LRP1B: variants seen among roughly 807,000 people sequenced by gnomAD.
LRP1B encodes the protein low-density lipoprotein receptor-related protein 1B.
A neutral mutation model predicts 556.6 loss-of-function variants in LRP1B; 217 were observed. That is an observed-to-expected ratio of 0.39 (90% CI 0.35 to 0.44). The LOEUF is 0.44. Among genes scored for constraint, LRP1B ranks in the 20% least tolerant of loss-of-function variants. LRP1B has a pLI of 1.00. For missense variants in LRP1B, 5,053 were observed against 5,620.8 expected (o/e 0.90, Z 3.23); for synonymous variants, 2,047 against 1,865.8 (o/e 1.10, Z -2.50).
intron 1 of LRP1B, among the ~76,000 whole-genome samples, chr2:141,855,587 T>C (rs1698024378): frequency 6.6e-6 from 1 of 152,154 alleles, no homozygotes. Context: ...TGATGTGAAC[T>C]GAAGCAACAT....
At position 140,994,034 on chromosome 2, in the gene LRP1B, CA is replaced by C; in HGVS notation, c.2604del (p.Asp868GlufsTer4). On this transcript the variant is annotated frameshift_variant, in exon 16 of 91. Transcript: ENST00000389484. LOFTEE classifies it high-confidence loss of function. ...IQARWKCDGD[D>X]DCLDGSDEDS... ...TCCTCATCGCTTCCGTCTAGGCAGTCATCGTCGCCATCACATTTCCACCGAG... is the reference window on the plus strand; with the variant it reads ...TCCTCATCGCTTCCGTCTAGGCAGTCTCGTCGCCATCACATTTCCACCGAG... The C allele has an allele frequency of 6.2e-7, 1 of 1,612,700 alleles. No individual in the cohort carries two copies. Among genetic ancestry groups the C allele is most frequent in the Non-Finnish European group, 8.5e-7 (1 of 1,179,140 alleles).
rs551075910 is a variant in LRP1B at position 140,407,094 on chromosome 2, G to T, written c.10415-21085C>A. On this transcript the variant is annotated intron_variant, in intron 66 of 90. Coordinates refer to ENST00000389484, the MANE Select transcript of LRP1B (RefSeq NM_018557.3). The stretch of plus-strand genomic sequence containing the variant: ...TATACAGAAACATAAACTGGGAAAA[G>T]TACATCCCATTCAATAAATGGTGCT... Among the ~76,000 whole-genome samples the T allele has an allele frequency of 4.7e-3, 708 of 152,102 alleles. 5 individuals are homozygous for T. Among genetic ancestry groups the T allele is most frequent in the African/African-American group, 0.016 (649 of 41,542 alleles).
Position 141,143,585 on chromosome 2 carries a change from C to T in LRP1B, c.1013+44836G>A, listed in dbSNP as rs566715423. ...GATAAATTCCTAGTATCTTGAGCAG[C>T]GCCTGGAACATCCTATTTTTCAAAC... On this transcript the variant is annotated intron_variant, in intron 7 of 90. Coordinates refer to ENST00000389484, the MANE Select transcript of LRP1B (RefSeq NM_018557.3). Among the ~76,000 whole-genome samples the T allele has an allele frequency of 2.4e-4, 37 of 152,268 alleles. No individual in the cohort carries two copies. In the South Asian group the frequency reaches 7.0e-3, roughly 29 times the overall value.
intron 3 of LRP1B, among the ~76,000 whole-genome samples, chr2:141,378,506 C>T (rs1198165293): frequency 1.3e-5 from 2 of 152,070 alleles, no homozygotes; most frequent in East Asian, 3.9e-4. Context: ...GAGAAACCAT[C>T]TCTAAACAAG....
chr2:140,700,567 C>T lies in LRP1B; in HGVS notation c.6482G>A (p.Arg2161Gln), dbSNP rs200035883. 42 of 1,613,472 alleles carry T rather than the reference C, an allele frequency of 2.6e-5. No homozygotes were observed. Among genetic ancestry groups the T allele is most frequent in the Non-Finnish European group, 3.1e-5 (36 of 1,179,638 alleles). ...AGCACAAGTTCTCCGGGAATTTCCT[C>T]GATAAAGACAGAGTTGCTTACAGCC... is the stretch of plus-strand genomic sequence containing the variant. Reference protein sequence around the residue: ...NGGCKQLCLYRGNSRRTCACA... With the variant: ...NGGCKQLCLYQGNSRRTCACA... Residue 2161 changes from arginine to glutamine, a missense_variant, in exon 41 of 91, where the codon CGA becomes CAA. Transcript: ENST00000389484.
At chr2:141,968,768 T>C (rs1701637100) in intron 1 of LRP1B, among the ~76,000 whole-genome samples, 1 of 151,754 alleles carries the variant, frequency 6.6e-6, no homozygotes, top group Non-Finnish European at 1.5e-5. Context: ...TGCTCTGGTT[T>C]GGTGGTGTGC....
chr2:141,068,653 C>T (rs1456718424), intron 7 of LRP1B, among the ~76,000 whole-genome samples: 1 of 151,680 alleles, frequency 6.6e-6, no homozygotes, highest in East Asian at 1.9e-4. Flanking sequence ...CCAGCATTCA[C>T]CCATGCAAGT....
intron 5 of LRP1B, among the ~76,000 whole-genome samples, chr2:141,231,861 C>CA (rs1683485345): frequency 6.6e-6 from 1 of 151,900 alleles, no homozygotes; most frequent in Non-Finnish European, 1.5e-5. Flanking sequence ...AAAAATAACC[C>CA]AAAAAAGCCT....
At chr2:141,857,633 G>A (rs570065464) in intron 1 of LRP1B, among the ~76,000 whole-genome samples, 6 of 152,028 alleles carry the variant, frequency 3.9e-5, no homozygotes, top group African/African-American at 1.4e-4. Context: ...CACAGCACCC[G>A]ACCCCTCTCC....
intron 2 of LRP1B, among the ~76,000 whole-genome samples, chr2:141,791,104 T>C (rs866313780): frequency 6.6e-6 from 1 of 151,976 alleles, no homozygotes; most frequent in African/African-American, 2.4e-5. Context: ...ATCAAGAATA[T>C]AATTTTTACT....
chr2:141,622,617 A>G (rs2105337460), intron 2 of LRP1B, among the ~76,000 whole-genome samples: 1 of 152,366 alleles, frequency 6.6e-6, no homozygotes, highest in Admixed American at 6.5e-5. Flanking sequence ...GTAAGAATCC[A>G]TTTTTATTGA....
At chr2:142,031,353 T>C (rs1703700313) in intron 1 of LRP1B, among the ~76,000 whole-genome samples, 2 of 134,926 alleles carry the variant, frequency 1.5e-5, no homozygotes, top group East Asian at 3.2e-4. Flanking sequence ...TTTTTTATTA[T>C]ACTCTAAGTT....
chr2:140,302,049 ATC>A (rs1683854839), intron 83 of LRP1B, among the ~76,000 whole-genome samples: 1 of 152,092 alleles, frequency 6.6e-6, no homozygotes, highest in South Asian at 2.1e-4. Context: ...GTTGGCTAAT[ATC>A]TCTAGCTGGA....
intron 1 of LRP1B, among the ~76,000 whole-genome samples, chr2:141,864,810 A>G (rs1698353983): frequency 6.6e-6 from 1 of 152,130 alleles, no homozygotes; most frequent in South Asian, 2.1e-4. Flanking sequence ...TGAATCCAGG[A>G]GGCGGAGGCT....
chr2:141,480,686 G>A (rs1682886677), intron 2 of LRP1B, 153 bp from the exon 3 acceptor site: 1 of 766,478 alleles, frequency 1.3e-6, no homozygotes, highest in South Asian at 1.5e-5. Context: ...ATTGAAGTTA[G>A]CCTATGTGAT....
intron 2 of LRP1B, among the ~76,000 whole-genome samples, chr2:141,534,016 C>T (rs975300083): frequency 4.1e-4 from 62 of 150,400 alleles, no homozygotes; most frequent in Non-Finnish European, 7.0e-4. Flanking sequence ...CTCTCTCTCT[C>T]ATACACACAC....
chr2:140,358,979 C>G lies in LRP1B; in HGVS notation c.11132-33G>C, dbSNP rs781521114. The G allele has an allele frequency of 9.4e-6, 15 of 1,595,038 alleles. No homozygotes were observed. In the African/African-American group the frequency reaches 1.9e-4, roughly 20 times the overall value. ...AAAAGAAGAAAAAACAAAGAAGCTC[C>G]TTCGAGTACATTGCTTTATGAAGAA... On this transcript the variant is annotated intron_variant, in intron 72 of 90. Coordinates refer to ENST00000389484, the MANE Select transcript of LRP1B (RefSeq NM_018557.3).
intron 59 of LRP1B, among the ~76,000 whole-genome samples, chr2:140,478,912 A>G (rs1169315376): frequency 6.6e-6 from 1 of 152,102 alleles, no homozygotes; most frequent in African/African-American, 2.4e-5. Context: ...ATGCATATTA[A>G]TATATTTTTA....
rs1293833034 is a variant in LRP1B at position 142,115,837 on chromosome 2, ATG to A, written c.82+14809_82+14810del. 7.2e-3 allele frequency among the ~76,000 whole-genome samples: 46 copies of A among 6,422 alleles called. 20 individuals are homozygous for A. Among genetic ancestry groups the A allele is most frequent in the African/African-American group, 8.1e-3 (23 of 2,834 alleles). 4.2% of individuals were successfully genotyped at this position (6,422 alleles called of 152,430 possible). ...TATATATGTAATATATATCATATAT[ATG>A]TAATATATATATATACATATATATA... On this transcript the variant is annotated intron_variant, in intron 1 of 90. Transcript: ENST00000389484.
Sources: gnomAD v4.1 joint callset for allele counts (sites outside exome capture counted in the v4.1 genomes callset) on GRCh38, gnomAD v4.1.1 for gene constraint, MANE v1.5 for transcripts, NCBI Gene and HGNC (gene_info 2026-07-23, HGNC 2026-07-21) for gene names.